Variants in GLG1 observed in about 807,000 individuals in gnomAD.
GLG1 encodes golgi glycoprotein 1.
Under a neutral mutation model 160.5 loss-of-function variants are expected in GLG1, and 38 were observed. The ratio of observed to expected loss-of-function variants is 0.24; its 90% CI spans 0.18 to 0.31. The LOEUF is 0.31. Among genes scored for constraint, GLG1 ranks in the 10% least tolerant of loss-of-function variants. GLG1 has a pLI of 1.00. For missense variants in GLG1, 1,373 were observed against 1,505.2 expected, an observed-to-expected ratio of 0.91 and a Z score of 1.45; for synonymous variants, 644 against 543.4, an observed-to-expected ratio of 1.19 and a Z score of -2.57.
chr16:74,585,408 C>CA (rs1196597532), intron 1 of GLG1, among the ~76,000 whole-genome samples: 2 of 151,278 alleles, frequency 1.3e-5, no homozygotes, highest in Admixed American at 1.3e-4. Flanking sequence ...GACTCTGTCT[C>CA]AAAAAAACAA....
intron 19 of GLG1, 93 bp downstream of exon 19, chr16:74,465,583 T>G (rs535541537): frequency 1.7e-5 from 22 of 1,326,936 alleles, no homozygotes; most frequent in Non-Finnish European, 2.1e-5. Flanking sequence ...GACCACACTT[T>G]GAGAAAGCTG....
intron 1 of GLG1, among the ~76,000 whole-genome samples, chr16:74,586,850 CA>C (rs1958064847): frequency 3.3e-5 from 5 of 152,078 alleles, no homozygotes; most frequent in African/African-American, 1.2e-4. Flanking sequence ...CTCCCACCAC[CA>C]CACCCTGCTA....
At chr16:74,474,273 A>G (rs369400133) in intron 13 of GLG1, 1 of 321,584 alleles carries the variant, frequency 3.1e-6, no homozygotes. Context: ...ATCTTAAGGG[A>G]GAAACAGAGG....
chr16:74,491,629 G>A (rs1037520285), intron 7 of GLG1, among the ~76,000 whole-genome samples: 4 of 145,482 alleles, frequency 2.7e-5, no homozygotes, highest in Non-Finnish European at 6.0e-5. Flanking sequence ...AATGCCAATG[G>A]GGAAAACTTT....
intron 5 of GLG1, 39 bp from the exon 6 acceptor site, chr16:74,494,870 A>C (rs1389640887): frequency 1.0e-6 from 1 of 960,534 alleles, no homozygotes; most frequent in African/African-American, 1.6e-5. Flanking sequence ...TACTTTAGCT[A>C]AATAGTTATG....
At chr16:74,501,979 G>A (rs1283052773) in intron 4 of GLG1, among the ~76,000 whole-genome samples, 1 of 152,214 alleles carries the variant, frequency 6.6e-6, no homozygotes, top group African/African-American at 2.4e-5. Flanking sequence ...ATTAAGGAAA[G>A]GGCATCAGGG....
intron 1 of GLG1, among the ~76,000 whole-genome samples, chr16:74,568,577 C>G (rs2018727322): frequency 6.6e-6 from 1 of 152,104 alleles, no homozygotes; most frequent in Non-Finnish European, 1.5e-5. Flanking sequence ...ACCACCACGC[C>G]TGGCTAATTT....
At chr16:74,599,564 C>T (rs945235718) in intron 1 of GLG1, among the ~76,000 whole-genome samples, 1 of 152,108 alleles carries the variant, frequency 6.6e-6, no homozygotes, top group Non-Finnish European at 1.5e-5. Context: ...ACTAAAAATA[C>T]AAAAATTAGC....
At position 74,459,677 on chromosome 16, in the gene GLG1, G is replaced by GTTTT; in HGVS notation, c.3144+4_3144+5insAAAA. 8 of 1,409,508 alleles carry GTTTT rather than the reference G, an allele frequency of 5.7e-6. No individual in the cohort carries two copies. Among genetic ancestry groups the GTTTT allele is most frequent in the Non-Finnish European group, 8.0e-6 (8 of 1,004,186 alleles). 87.3% of individuals were successfully genotyped at this position (1,409,508 alleles called of 1,614,324 possible). A position where few individuals can be genotyped will look rare whatever the true frequency, so the allele number is the denominator to read the frequency against. Reference sequence around the variant, plus strand: ...AAGTGAGGAAAAGAAGGTGACGGTGGTTACCTTTTTACACAATTCTGTTTT... The same window carrying GTTTT: ...AAGTGAGGAAAAGAAGGTGACGGTGGTTTTTTACCTTTTTACACAATTCTGTTTT... On this transcript the variant is annotated splice_donor_region_variant and intron_variant, in intron 23 of 25. Coordinates refer to ENST00000422840, the MANE Select transcript of GLG1 (RefSeq NM_001145667.2).
At chr16:74,606,289 T>A (rs1239862810) in intron 1 of GLG1, among the ~76,000 whole-genome samples, 1 of 152,184 alleles carries the variant, frequency 6.6e-6, no homozygotes, top group Non-Finnish European at 1.5e-5. Flanking sequence ...TGCCACAAAT[T>A]GTCCTAGTCG....
chr16:74,560,515 T>C (rs2018482637), intron 1 of GLG1, among the ~76,000 whole-genome samples: 1 of 151,958 alleles, frequency 6.6e-6, no homozygotes, highest in African/African-American at 2.4e-5. Context: ...TAGCTAATTT[T>C]TGTATTTTTG....
intron 4 of GLG1, among the ~76,000 whole-genome samples, chr16:74,501,481 CCAG>C (rs1257893866): frequency 2.4e-4 from 36 of 152,280 alleles, no homozygotes; most frequent in African/African-American, 8.4e-4. Flanking sequence ...CCTTTTGGCT[CCAG>C]CAGTACTATT....
At chr16:74,476,329 GA>G (rs1287871391) in intron 12 of GLG1, among the ~76,000 whole-genome samples, 1 of 152,164 alleles carries the variant, frequency 6.6e-6, no homozygotes, top group East Asian at 1.9e-4. Flanking sequence ...TCATTGGACA[GA>G]GGCAACAGAA....
At chr16:74,469,496 A>G (rs2015121182) in intron 16 of GLG1, 1 of 190,038 alleles carries the variant, frequency 5.3e-6, no homozygotes, top group African/African-American at 2.3e-5. Flanking sequence ...CCTTTCAAAG[A>G]GCAACATGGA....
At chr16:74,476,485 G>T (rs865818126) in intron 12 of GLG1, among the ~76,000 whole-genome samples, 1 of 152,142 alleles carries the variant, frequency 6.6e-6, no homozygotes, top group South Asian at 2.1e-4. Flanking sequence ...ATTCCTGTAC[G>T]TGTGACTTTT....
chr16:74,468,774 C>G (rs1055694428), intron 17 of GLG1, 172 bp downstream of exon 17: 1 of 603,300 alleles, frequency 1.7e-6, no homozygotes. Flanking sequence ...CATTCAAAAT[C>G]AAAAGAATGA....
At chr16:74,511,605 AAG>A (rs2016810674) in intron 2 of GLG1, among the ~76,000 whole-genome samples, 7 of 150,042 alleles carry the variant, frequency 4.7e-5, no homozygotes, top group East Asian at 3.9e-4. Flanking sequence ...AAAAAAAAGA[AAG>A]AAAGAAAGAA....
At chr16:74,502,518 G>A (rs953566539) in intron 4 of GLG1, among the ~76,000 whole-genome samples, 2 of 151,878 alleles carry the variant, frequency 1.3e-5, no homozygotes, top group African/African-American at 4.8e-5. Flanking sequence ...TTTATAGATG[G>A]ACAGCAGCCA....
intron 3 of GLG1, among the ~76,000 whole-genome samples, chr16:74,508,423 C>T (rs1292064461): frequency 6.6e-6 from 1 of 151,808 alleles, no homozygotes; most frequent in Non-Finnish European, 1.5e-5. Context: ...AAAATCTTAA[C>T]CTTTTTAACA....
Sources: gnomAD v4.1 joint callset for allele counts (sites outside exome capture counted in the v4.1 genomes callset) on GRCh38, gnomAD v4.1.1 for gene constraint, MANE v1.5 for transcripts, NCBI Gene and HGNC (gene_info 2026-07-23, HGNC 2026-07-21) for gene names.